THEMIS: variants seen among roughly 807,000 people sequenced by gnomAD.
THEMIS encodes thymocyte selection associated.
In THEMIS, 37 loss-of-function variants were observed where a neutral mutation model predicts 52.6. The ratio of observed to expected loss-of-function variants is 0.70; its 90% CI spans 0.54 to 0.93. The LOEUF (loss-of-function observed/expected upper bound fraction) is 0.93, where lower values mean the gene tolerates loss of function less well. Ranked by LOEUF, THEMIS falls within the 40% of genes least tolerant of loss-of-function variation. THEMIS has a pLI of 0.00. For missense variants in THEMIS, 808 were observed against 763.1 expected, an observed-to-expected ratio of 1.06 and a Z score of -0.69; for synonymous variants, 292 against 272.7, an observed-to-expected ratio of 1.07 and a Z score of -0.70.
the THEMIS span, among the ~76,000 whole-genome samples, chr6:127,700,381 A>G: frequency 5.3e-5 from 8 of 151,902 alleles, no homozygotes; most frequent in African/African-American, 1.9e-4. Context: ...AAAACAAAAA[A>G]AAAATTAAAC....
chr6:127,798,641 A>G lies in THEMIS; in HGVS notation c.1758+14242T>C, dbSNP rs556254272. Among the ~76,000 whole-genome samples the G allele has an allele frequency of 3.9e-5, 6 of 152,370 alleles. No individual in the cohort carries two copies. The East Asian group carries it at 1.2e-3, about 29-fold the overall frequency. ...GAATGAGAACTATTTAGTTACTTAA[A>G]TGTTAGTGAGCCCCCAATAAATGGT... is the stretch of plus-strand genomic sequence containing the variant. On this transcript the variant is annotated intron_variant, in intron 4 of 5. Transcript: ENST00000368248.
chr6:127,761,123 A>G (rs1321613340), intron 4 of THEMIS, among the ~76,000 whole-genome samples: 1 of 152,164 alleles, frequency 6.6e-6, no homozygotes, highest in Non-Finnish European at 1.5e-5. Context: ...CCAAGAAAAC[A>G]TACAAGGAAA....
chr6:127,745,834 C>T (rs997906369), intron 4 of THEMIS, among the ~76,000 whole-genome samples: 3 of 151,812 alleles, frequency 2.0e-5, no homozygotes, highest in South Asian at 2.1e-4. Context: ...TCACAAAAGA[C>T]CTGCTTGGTT....
At chr6:127,853,739 A>G (rs1266120470) in intron 2 of THEMIS, among the ~76,000 whole-genome samples, 1 of 151,702 alleles carries the variant, frequency 6.6e-6, no homozygotes, top group Non-Finnish European at 1.5e-5. Context: ...TCTATATGCC[A>G]TGTACCTTTC....
chr6:127,885,477 A>T (rs1245940560), intron 1 of THEMIS, among the ~76,000 whole-genome samples: 1 of 151,902 alleles, frequency 6.6e-6, no homozygotes, highest in Non-Finnish European at 1.5e-5. Context: ...GATAAAAAAT[A>T]AAAAAAACTA....
chr6:127,894,553 C>G (rs1057297352), intron 1 of THEMIS, among the ~76,000 whole-genome samples: 3 of 151,194 alleles, frequency 2.0e-5, no homozygotes, highest in African/African-American at 7.3e-5. Context: ...TATCAAGAAG[C>G]AAAGTATTAA....
chr6:127,895,136 T>C (rs892508934), intron 1 of THEMIS, among the ~76,000 whole-genome samples: 1 of 151,216 alleles, frequency 6.6e-6, no homozygotes, highest in African/African-American at 2.4e-5. Context: ...TACCTATTTA[T>C]TCGGAAAACT....
intron 1 of THEMIS, among the ~76,000 whole-genome samples, chr6:127,910,971 G>A (rs919826320): frequency 1.4e-4 from 22 of 152,046 alleles, no homozygotes; most frequent in African/African-American, 5.3e-4. Context: ...CAATTTGAGG[G>A]ATACTGGTTA....
intron 4 of THEMIS, among the ~76,000 whole-genome samples, chr6:127,802,850 A>G (rs533120995): frequency 5.9e-4 from 90 of 152,276 alleles, no homozygotes; most frequent in African/African-American, 2.0e-3. Flanking sequence ...CATTGTGGAA[A>G]GGGAAATGTT....
chr6:127,779,745 TTCATAACCTC>T (rs1776681865), intron 4 of THEMIS, among the ~76,000 whole-genome samples: 1 of 152,082 alleles, frequency 6.6e-6, no homozygotes, highest in Admixed American at 6.6e-5. Flanking sequence ...TAGGAAAAAT[TTCATAACCTC>T]TCTTGGCCTT....
the THEMIS span, among the ~76,000 whole-genome samples, chr6:127,697,239 C>T: frequency 6.6e-6 from 1 of 152,094 alleles, no homozygotes; most frequent in Non-Finnish European, 1.5e-5. Flanking sequence ...TCAAGTCATC[C>T]TTGACTCCTC....
At chr6:127,819,856 G>T (rs1455143821) in intron 3 of THEMIS, among the ~76,000 whole-genome samples, 1 of 152,170 alleles carries the variant, frequency 6.6e-6, no homozygotes, top group Non-Finnish European at 1.5e-5. Flanking sequence ...AAGGAAGAGT[G>T]CTGGAGAATA....
At chr6:127,893,007 C>T (rs1780857925) in intron 1 of THEMIS, among the ~76,000 whole-genome samples, 1 of 151,950 alleles carries the variant, frequency 6.6e-6, no homozygotes, top group Admixed American at 6.6e-5. Flanking sequence ...TATTTATAGT[C>T]TGTTTGCTCT....
chr6:127,879,672 T>A (rs544028520), intron 1 of THEMIS, among the ~76,000 whole-genome samples: 1 of 151,386 alleles, frequency 6.6e-6, no homozygotes, highest in Admixed American at 6.6e-5. Context: ...ATTGCTTTTT[T>A]AAAAAATGAG....
intron 4 of THEMIS, among the ~76,000 whole-genome samples, chr6:127,740,062 C>T (rs1387395149): frequency 6.6e-6 from 1 of 152,096 alleles, no homozygotes; most frequent in East Asian, 1.9e-4. Flanking sequence ...GGAAAAGAGC[C>T]ATTGGAGAAG....
intron 1 of THEMIS, among the ~76,000 whole-genome samples, chr6:127,856,200 C>A (rs1360311185): frequency 1.3e-5 from 2 of 151,888 alleles, no homozygotes; most frequent in African/African-American, 2.4e-5. Context: ...CTGTGTAGAA[C>A]CACCTCCTCA....
At chr6:127,766,382 T>C (rs1444740267) in intron 4 of THEMIS, among the ~76,000 whole-genome samples, 2 of 152,224 alleles carry the variant, frequency 1.3e-5, no homozygotes, top group Non-Finnish European at 2.9e-5. Context: ...AATCTTTGTT[T>C]TTTAAACATG....
chr6:127,866,378 T>C (rs950601577), intron 1 of THEMIS, among the ~76,000 whole-genome samples: 1 of 152,044 alleles, frequency 6.6e-6, no homozygotes, highest in African/African-American at 2.4e-5. Flanking sequence ...TGTATAGTTA[T>C]GCTACTTAAT....
rs1583229876 is a variant in THEMIS, at chr6:127,749,221, T to C, written c.1759-29398A>G. 3.3e-5 allele frequency among the ~76,000 whole-genome samples: 5 copies of C among 152,228 alleles called. No individual in the cohort carries two copies. In the South Asian group the frequency reaches 1.0e-3, roughly 32 times the overall value. ...TTTATCTGAAAAAGCCGCTTATTGT[T>C]ACAGCTATGGCCTTCAGAGTATAAC... On this transcript the variant is annotated intron_variant, in intron 4 of 5. Transcript: ENST00000368248.
Sources: allele counts gnomAD v4.1 joint callset (sites outside exome capture counted in the v4.1 genomes callset), GRCh38; gene constraint gnomAD v4.1.1; transcripts MANE v1.5; gene names NCBI Gene and HGNC (gene_info 2026-07-23, HGNC 2026-07-21).